The following ASTN1 variants were observed in gnomAD, a reference collection of about 807,000 sequenced individuals.
ASTN1 encodes the protein astrotactin-1.
In ASTN1, 41 loss-of-function variants were observed where a neutral mutation model predicts 140.7. The observed-to-expected ratio is 0.29, with a 90% CI of 0.23 to 0.38. ASTN1 has a LOEUF of 0.38. Ranked by LOEUF, ASTN1 falls within the 10% of genes least tolerant of loss-of-function variation. The probability of loss-of-function intolerance (pLI) is 1.00; values close to 1 mark genes in which losing one functional copy is unlikely to be tolerated. For missense variants in ASTN1, 1,479 were observed against 1,678.8 expected (o/e 0.88, Z 2.08); for synonymous variants, 640 against 652.2 (o/e 0.98, Z 0.29).
intron 16 of ASTN1, among the ~76,000 whole-genome samples, chr1:176,913,834 T>C (rs1442853294): frequency 6.6e-6 from 1 of 152,232 alleles, no homozygotes; most frequent in Non-Finnish European, 1.5e-5. Context: ...CAGTAGTCAC[T>C]ATACACAGCT....
chr1:176,921,434 A>G (rs1050592863), intron 16 of ASTN1, among the ~76,000 whole-genome samples: 2 of 152,216 alleles, frequency 1.3e-5, no homozygotes, highest in Non-Finnish European at 2.9e-5. Context: ...TTTCAGTTTA[A>G]ACACAGGTTG....
In ASTN1 at chr1:177,061,970, G is replaced by A. The variant is rs533529850; in HGVS notation, c.284-705C>T. ...CACACTCACTTGATTCTCAGGGATG[G>A]AGACTGAGGCACGAGACTAGCATCA... On this transcript the variant is annotated intron_variant, in intron 1 of 22. Transcript: ENST00000361833. Among the ~76,000 whole-genome samples, 13 of 152,248 alleles carry A rather than the reference G, an allele frequency of 8.5e-5. No individual in the cohort carries two copies. In the South Asian group the frequency reaches 2.7e-3, roughly 32 times the overall value.
At chr1:176,921,659 C>T (rs752967632) in intron 16 of ASTN1, among the ~76,000 whole-genome samples, 12 of 152,182 alleles carry the variant, frequency 7.9e-5, no homozygotes, top group Admixed American at 2.6e-4. Context: ...TCTGGTCTCA[C>T]CTTGTGTTTA....
chr1:176,931,907 AAAT>A (rs1393021370), intron 16 of ASTN1, among the ~76,000 whole-genome samples: 1 of 152,208 alleles, frequency 6.6e-6, no homozygotes, highest in Non-Finnish European at 1.5e-5. Flanking sequence ...GACTTTTACC[AAAT>A]ACCTAACCTG....
chr1:176,936,831 G>C (rs998330817), intron 14 of ASTN1, among the ~76,000 whole-genome samples: 5 of 152,264 alleles, frequency 3.3e-5, no homozygotes, highest in Admixed American at 1.3e-4. Flanking sequence ...ATGACCCCTT[G>C]CTTCCTTTTC....
At position 177,114,215 on chromosome 1, in the gene ASTN1, T is replaced by G. The variant is rs183025265; in HGVS notation, c.283+50179A>C. Among the ~76,000 whole-genome samples, 7 of 152,272 alleles carry G rather than the reference T, an allele frequency of 4.6e-5. 1 individual carries two copies. The highest frequency in any genetic ancestry group is 1.7e-4 in the African/African-American group (7 of 41,558). On this transcript the variant is annotated intron_variant, in intron 1 of 22. Coordinates refer to ENST00000361833, the MANE Select transcript of ASTN1 (RefSeq NM_004319.3). ...AGTTTATTAAACCTCCATTTCCTTA[T>G]GCATCAAAGGAGGATAATAAAAATA...
At chr1:177,050,594 C>T (rs538972374) in intron 2 of ASTN1, among the ~76,000 whole-genome samples, 1 of 152,170 alleles carries the variant, frequency 6.6e-6, no homozygotes, top group South Asian at 2.1e-4. Flanking sequence ...GAGAGAGACC[C>T]CTTGCAATCT....
chr1:177,050,133 C>T (rs545234161), intron 2 of ASTN1, among the ~76,000 whole-genome samples: 1 of 152,312 alleles, frequency 6.6e-6, no homozygotes, highest in South Asian at 2.1e-4. Flanking sequence ...TTACAAATCC[C>T]AAGGGCCTAT....
At chr1:177,029,527 G>T in intron 5 of ASTN1, 107 bp downstream of exon 5, 1 of 1,152,374 alleles carries the variant, frequency 8.7e-7, no homozygotes, top group Non-Finnish European at 1.3e-6. Context: ...TGCAGAAACT[G>T]GTTTTGTTCC....
At chr1:177,035,976 T>C (rs1676695497) in intron 2 of ASTN1, among the ~76,000 whole-genome samples, 1 of 151,972 alleles carries the variant, frequency 6.6e-6, no homozygotes, top group Non-Finnish European at 1.5e-5. Flanking sequence ...AATTTTGCTT[T>C]AGTAAAAAAC....
intron 9 of ASTN1, among the ~76,000 whole-genome samples, chr1:176,960,112 G>T (rs1166271727): frequency 6.6e-6 from 1 of 152,142 alleles, no homozygotes; most frequent in East Asian, 1.9e-4. Context: ...ATTCAGGGCT[G>T]ATTGCCTCAA....
At chr1:176,883,053 G>C in intron 19 of ASTN1, 59 bp from the exon 20 acceptor site, 3 of 1,598,540 alleles carry the variant, frequency 1.9e-6, no homozygotes, top group South Asian at 1.1e-5. Context: ...AAGCAATGAG[G>C]AGATGGAGTC....
chr1:176,885,700 T>C (rs74704151), intron 18 of ASTN1, among the ~76,000 whole-genome samples: 17 of 152,322 alleles, frequency 1.1e-4, no homozygotes, highest in African/African-American at 4.1e-4. Flanking sequence ...TCAATTTCAA[T>C]TCAACAGATA....
chr1:177,022,725 A>T (rs1272181278), intron 7 of ASTN1, among the ~76,000 whole-genome samples: 2 of 152,352 alleles, frequency 1.3e-5, no homozygotes, highest in East Asian at 3.9e-4. Flanking sequence ...TTTTAATAGT[A>T]TTTATAAAAA....
chr1:177,163,772 G>C (rs896270576), intron 1 of ASTN1, among the ~76,000 whole-genome samples: 7 of 152,182 alleles, frequency 4.6e-5, no homozygotes, highest in Non-Finnish European at 7.3e-5. Flanking sequence ...TTAGGGGGTT[G>C]TGACATCTAA....
chr1:176,920,607 T>C (rs765509353), intron 16 of ASTN1, among the ~76,000 whole-genome samples: 1 of 152,192 alleles, frequency 6.6e-6, no homozygotes, highest in Non-Finnish European at 1.5e-5. Context: ...AGAAATGGGA[T>C]GAACTATGAA....
At chr1:177,000,217 AC>A (rs1674660646) in intron 8 of ASTN1, among the ~76,000 whole-genome samples, 1 of 152,234 alleles carries the variant, frequency 6.6e-6, no homozygotes, top group Non-Finnish European at 1.5e-5. Context: ...TTAATTGACC[AC>A]AAACTTACTA....
At chr1:177,098,098 G>A (rs551245957) in intron 1 of ASTN1, among the ~76,000 whole-genome samples, 2 of 152,352 alleles carry the variant, frequency 1.3e-5, no homozygotes, top group African/African-American at 4.8e-5. Flanking sequence ...GGAGAGGGTT[G>A]TGGGAAATCT....
chr1:176,904,326 T>C (rs1262107001), intron 16 of ASTN1, among the ~76,000 whole-genome samples: 1 of 144,966 alleles, frequency 6.9e-6, no homozygotes, highest in Non-Finnish European at 1.5e-5. Flanking sequence ...CCTGCTGTCC[T>C]GCTGCCGAGC....
Sources: allele counts gnomAD v4.1 joint callset (sites outside exome capture counted in the v4.1 genomes callset), GRCh38; gene constraint gnomAD v4.1.1; transcripts MANE v1.5; gene names NCBI Gene and HGNC (gene_info 2026-07-23, HGNC 2026-07-21).